ERC2: variants seen among roughly 807,000 people sequenced by gnomAD.
ERC2 encodes the protein ELKS/RAB6-interacting/CAST family member 2.
In ERC2, 42 loss-of-function variants were observed where a neutral mutation model predicts 114.8. That is an observed-to-expected ratio of 0.37 (90% CI 0.29 to 0.47). The LOEUF (loss-of-function observed/expected upper bound fraction) is 0.47, where lower values mean the gene tolerates loss of function less well. Ranked by LOEUF, ERC2 falls within the 20% of genes least tolerant of loss-of-function variation. ERC2 has a pLI of 0.99. For missense variants in ERC2, 939 were observed against 1,150.7 expected, an observed-to-expected ratio of 0.82 and a Z score of 2.66; for synonymous variants, 454 against 425.5, an observed-to-expected ratio of 1.07 and a Z score of -0.82.
intron 2 of ERC2, among the ~76,000 whole-genome samples, chr3:56,380,322 A>G (rs73075825): frequency 0.033 from 5,066 of 152,136 alleles, 182 homozygotes; most frequent in African/African-American, 0.081. Flanking sequence ...TCTGATTCTA[A>G]AGTATATTTT....
chr3:55,605,017 T>A (rs2148542090), intron 17 of ERC2, among the ~76,000 whole-genome samples: 1 of 152,302 alleles, frequency 6.6e-6, no homozygotes, highest in African/African-American at 2.4e-5. Context: ...GATGCGAGGA[T>A]GCCAGTGGCT....
At chr3:56,208,863 A>G (rs2048890813) in intron 3 of ERC2, among the ~76,000 whole-genome samples, 1 of 152,078 alleles carries the variant, frequency 6.6e-6, no homozygotes, top group African/African-American at 2.4e-5. Context: ...GCCAGGGGAA[A>G]ATTCAGGCTG....
chr3:56,062,422 G>C (rs1374910457), intron 7 of ERC2, among the ~76,000 whole-genome samples: 1 of 152,066 alleles, frequency 6.6e-6, no homozygotes, highest in Non-Finnish European at 1.5e-5. Context: ...ATCTGCTCTA[G>C]GGGTGAAAGC....
intron 1 of ERC2, among the ~76,000 whole-genome samples, chr3:56,467,551 A>G (rs1343747050): frequency 4.6e-5 from 7 of 152,096 alleles, no homozygotes; most frequent in African/African-American, 7.2e-5. Flanking sequence ...AAAGGCTCGT[A>G]CGGTATTTTT....
intron 17 of ERC2, among the ~76,000 whole-genome samples, chr3:55,614,774 G>C (rs1005956192): frequency 6.6e-6 from 1 of 152,178 alleles, no homozygotes; most frequent in Non-Finnish European, 1.5e-5. Context: ...AGAAAAGACT[G>C]AGCGGGGAAA....
intron 17 of ERC2, among the ~76,000 whole-genome samples, chr3:55,681,201 C>G (rs2062038831): frequency 1.3e-5 from 2 of 152,100 alleles, no homozygotes; most frequent in Non-Finnish European, 1.5e-5. Context: ...ACTTAGCCTC[C>G]AGAAGTGGCA....
At chr3:56,241,618 A>G (rs1425218731) in intron 3 of ERC2, among the ~76,000 whole-genome samples, 2 of 152,218 alleles carry the variant, frequency 1.3e-5, no homozygotes, top group Non-Finnish European at 1.5e-5. Context: ...GATCATAGAG[A>G]TAAGATCATA....
At chr3:55,916,242 T>G (rs1414585491) in intron 13 of ERC2, among the ~76,000 whole-genome samples, 3 of 152,202 alleles carry the variant, frequency 2.0e-5, no homozygotes, top group African/African-American at 7.2e-5. Flanking sequence ...ATGCCTAGCA[T>G]GCCAATTGAC....
At chr3:55,901,849 C>T (rs1409355951) in intron 13 of ERC2, among the ~76,000 whole-genome samples, 2 of 152,172 alleles carry the variant, frequency 1.3e-5, no homozygotes, top group South Asian at 2.1e-4. Context: ...TTGTAAATGC[C>T]ATCTAGTCCC....
intron 14 of ERC2, among the ~76,000 whole-genome samples, chr3:55,843,029 T>C (rs1015776610): frequency 1.3e-5 from 2 of 152,200 alleles, no homozygotes; most frequent in Admixed American, 1.3e-4. Context: ...CAATCTTCCC[T>C]TCTATAATTA....
intron 1 of ERC2, among the ~76,000 whole-genome samples, chr3:56,455,919 A>C (rs897731957): frequency 2.6e-5 from 4 of 152,342 alleles, no homozygotes; most frequent in East Asian, 1.9e-4. Flanking sequence ...AGGTGGGCTG[A>C]GCCCACAAAA....
At chr3:56,237,055 C>T (rs1431908781) in intron 3 of ERC2, among the ~76,000 whole-genome samples, 1 of 152,178 alleles carries the variant, frequency 6.6e-6, no homozygotes, top group African/African-American at 2.4e-5. Flanking sequence ...CAACTTGCCA[C>T]TTTTCAGCCT....
intron 17 of ERC2, among the ~76,000 whole-genome samples, chr3:55,555,394 G>C (rs1030930553): frequency 6.6e-6 from 1 of 152,186 alleles, no homozygotes. Context: ...CAAGACCTGG[G>C]TGAGGAAACA....
At chr3:56,464,216 T>A (rs1255282572) in intron 1 of ERC2, among the ~76,000 whole-genome samples, 1 of 152,204 alleles carries the variant, frequency 6.6e-6, no homozygotes, top group East Asian at 1.9e-4. Flanking sequence ...GTGAACAGAG[T>A]CTACGTTTAC....
intron 14 of ERC2, among the ~76,000 whole-genome samples, chr3:55,830,813 A>G (rs2060535619): frequency 1.3e-5 from 2 of 152,040 alleles, no homozygotes; most frequent in African/African-American, 4.8e-5. Flanking sequence ...GTATGATGCT[A>G]TGTGCCTGTA....
At chr3:55,531,574 G>C (rs2053670716) in intron 17 of ERC2, among the ~76,000 whole-genome samples, 1 of 152,158 alleles carries the variant, frequency 6.6e-6, no homozygotes, top group Non-Finnish European at 1.5e-5. Context: ...AAGATTCCTG[G>C]TTCCCTTTTA....
chr3:55,622,671 T>A (rs1274719907), intron 17 of ERC2, among the ~76,000 whole-genome samples: 1 of 152,018 alleles, frequency 6.6e-6, no homozygotes, highest in African/African-American at 2.4e-5. Flanking sequence ...AAGAATCTTA[T>A]GGAAGTTTTT....
chr3:56,164,860 T>G (rs2082245553), intron 4 of ERC2, among the ~76,000 whole-genome samples: 1 of 152,096 alleles, frequency 6.6e-6, no homozygotes, highest in Admixed American at 6.6e-5. Flanking sequence ...GTTCAGTATT[T>G]TTTATGTCCT....
At chr3:55,769,451 G>T (rs988793737) in intron 14 of ERC2, among the ~76,000 whole-genome samples, 1 of 151,886 alleles carries the variant, frequency 6.6e-6, no homozygotes, top group African/African-American at 2.4e-5. Flanking sequence ...CAGGGTCTCT[G>T]TCTGGGTTGG....
Sources: gnomAD v4.1 joint callset for allele counts (sites outside exome capture counted in the v4.1 genomes callset) on GRCh38, gnomAD v4.1.1 for gene constraint, MANE v1.5 for transcripts, NCBI Gene and HGNC (gene_info 2026-07-23, HGNC 2026-07-21) for gene names.